Variants in RBFOX1 observed in about 807,000 individuals in gnomAD.
The protein encoded by RBFOX1 is RNA binding protein fox-1 homolog 1.
In RBFOX1, 8 loss-of-function variants were observed where a neutral mutation model predicts 57.7. The ratio of observed to expected loss-of-function variants is 0.14; its 90% confidence interval spans 0.08 to 0.25. The LOEUF is 0.25. Among genes scored for constraint, RBFOX1 ranks in the 10% least tolerant of loss-of-function variants. The pLI is 1.00. For missense variants in RBFOX1, 611 were observed against 548.5 expected (o/e 1.11, Z -1.14); for synonymous variants, 326 against 222.4 (o/e 1.47, Z -4.15).
intron 3 of RBFOX1, among the ~76,000 whole-genome samples, chr16:6,992,264 A>G (rs1178583705): frequency 6.6e-6 from 1 of 151,828 alleles, no homozygotes; most frequent in African/African-American, 2.4e-5. Flanking sequence ...CCCGGATTCA[A>G]GGGATTTTCC....
chr16:5,711,809 C>G (rs1444743026), intron 3 of RBFOX1, among the ~76,000 whole-genome samples: 1 of 152,184 alleles, frequency 6.6e-6, no homozygotes, highest in Non-Finnish European at 1.5e-5. Flanking sequence ...GGACCCAGCA[C>G]TTGACAGGCT....
chr16:6,772,638 G>T (rs560090969), intron 3 of RBFOX1, among the ~76,000 whole-genome samples: 3 of 144,600 alleles, frequency 2.1e-5, no homozygotes, highest in African/African-American at 8.2e-5. Flanking sequence ...AGTGTGGGGT[G>T]CATTTGTGTG....
chr16:7,218,478 A>C (rs1346148945), intron 4 of RBFOX1, among the ~76,000 whole-genome samples: 1 of 152,192 alleles, frequency 6.6e-6, no homozygotes, highest in African/African-American at 2.4e-5. Context: ...CAGAAGAGGC[A>C]TAGTTGAGAG....
At chr16:6,409,810 C>T (rs1200550401) in intron 2 of RBFOX1, among the ~76,000 whole-genome samples, 2 of 152,204 alleles carry the variant, frequency 1.3e-5, no homozygotes, top group Admixed American at 6.5e-5. Context: ...CCCCTAGCTG[C>T]TTCATACACT....
intron 1 of RBFOX1, among the ~76,000 whole-genome samples, chr16:6,177,875 T>C (rs1055466795): frequency 6.8e-5 from 10 of 146,638 alleles, no homozygotes; most frequent in Admixed American, 1.4e-4. Context: ...GCTACATCCA[T>C]CTAATTCAGG....
At chr16:7,691,499 G>A (rs891009527) in intron 14 of RBFOX1, among the ~76,000 whole-genome samples, 13 of 151,564 alleles carry the variant, frequency 8.6e-5, no homozygotes, top group African/African-American at 2.7e-4. Context: ...AAGGAGGAAG[G>A]AAAAAGGGTA....
At chr16:7,086,032 A>G (rs933891679) in intron 4 of RBFOX1, among the ~76,000 whole-genome samples, 1 of 152,158 alleles carries the variant, frequency 6.6e-6, no homozygotes, top group African/African-American at 2.4e-5. Flanking sequence ...CCTCTCTGAG[A>G]TAGCCAGCTC....
chr16:6,791,336 T>C (rs1434215302), intron 3 of RBFOX1, among the ~76,000 whole-genome samples: 2 of 152,244 alleles, frequency 1.3e-5, no homozygotes, highest in Non-Finnish European at 2.9e-5. Flanking sequence ...TGATTATTCA[T>C]TTTAAAATAC....
chr16:5,819,212 C>G (rs1041858630), intron 3 of RBFOX1, among the ~76,000 whole-genome samples: 1 of 152,182 alleles, frequency 6.6e-6, no homozygotes, highest in Non-Finnish European at 1.5e-5. Flanking sequence ...TAAGGGCCCA[C>G]TTCCTAGATG....
At chr16:5,838,762 A>G (rs1488457605) in intron 3 of RBFOX1, 1 of 152,224 alleles carries the variant, frequency 6.6e-6, no homozygotes, top group Non-Finnish European at 1.5e-5. Context: ...CAGCTCAGTC[A>G]CAAAGCAAGC....
At chr16:6,286,847 T>C (rs1482785248) in intron 1 of RBFOX1, among the ~76,000 whole-genome samples, 2 of 152,168 alleles carry the variant, frequency 1.3e-5, no homozygotes, top group East Asian at 1.9e-4. Context: ...CTATTCCTTC[T>C]CTATCTCCCT....
rs773141236 is a variant in RBFOX1, at chr16:5,657,735, TTC to T, written c.318+58776_318+58777del. Among the ~76,000 whole-genome samples the T allele has an allele frequency of 2.2e-4, 28 of 125,120 alleles. 9 individuals carry two copies. Among genetic ancestry groups the T allele is most frequent in the Middle Eastern group, 4.0e-3 (1 of 248 alleles). The allele number at this position is 125,120 out of a possible 152,430, so 82.1% of individuals were successfully genotyped here. On this transcript the variant is annotated intron_variant, in intron 3 of 19. Coordinates refer to the RBFOX1 transcript ENST00000641259. ...CTCTCTTTCTTTTGTTTCTTTTCTT[TTC>T]TTTTTTTTTTTTTGAGACAGAATCT...
At chr16:5,533,471 AT>A (rs1030791799) in intron 2 of RBFOX1, among the ~76,000 whole-genome samples, 4 of 151,988 alleles carry the variant, frequency 2.6e-5, no homozygotes, top group Non-Finnish European at 4.4e-5. Flanking sequence ...TTGAACACAC[AT>A]TTTTTTCTGA....
At chr16:5,860,158 C>G (rs914406895) in intron 3 of RBFOX1, among the ~76,000 whole-genome samples, 2 of 152,166 alleles carry the variant, frequency 1.3e-5, no homozygotes, top group African/African-American at 2.4e-5. Context: ...TCTCAACTCA[C>G]TGCAACCTCC....
intron 3 of RBFOX1, among the ~76,000 whole-genome samples, chr16:6,837,419 G>A (rs1214135465): frequency 6.6e-6 from 1 of 152,210 alleles, no homozygotes; most frequent in Non-Finnish European, 1.5e-5. Context: ...AGCTAGAGCT[G>A]ATCACCCAGC....
chr16:7,502,919 A>C (rs966232313), intron 4 of RBFOX1, among the ~76,000 whole-genome samples: 5 of 152,124 alleles, frequency 3.3e-5, no homozygotes, highest in Non-Finnish European at 5.9e-5. Flanking sequence ...GCTACTCGGG[A>C]GCCTGAGGCA....
chr16:6,769,952 A>T (rs541309364), intron 3 of RBFOX1, among the ~76,000 whole-genome samples: 2 of 152,156 alleles, frequency 1.3e-5, no homozygotes, highest in African/African-American at 4.8e-5. Context: ...GTTCCTATCT[A>T]TGTGCCTTAT....
chr16:6,665,726 A>G (rs1187907863), intron 3 of RBFOX1, among the ~76,000 whole-genome samples: 3 of 151,924 alleles, frequency 2.0e-5, no homozygotes, highest in Non-Finnish European at 4.4e-5. Context: ...AATAGCAACT[A>G]CCTTGCATTG....
At position 6,379,419 on chromosome 16, in the gene RBFOX1, C is replaced by T. The variant is rs563714949; in HGVS notation, c.-64+62362C>T. On this transcript the variant is annotated intron_variant, in intron 2 of 15. Coordinates refer to ENST00000550418, the MANE Select transcript of RBFOX1 (RefSeq NM_018723.4). ...ATTTCTAATGGCCCCCGCCCCCCTA[C>T]TTTCACTTTCACTTGTCTCAGTGAA... 1.5e-4 allele frequency among the ~76,000 whole-genome samples: 23 copies of T among 152,244 alleles called. 2 individuals carry two copies. Among genetic ancestry groups the T allele is most frequent in the East Asian group, 1.4e-3 (7 of 5,164 alleles).
Sources: gnomAD v4.1 joint callset for allele counts (sites outside exome capture counted in the v4.1 genomes callset) on GRCh38, gnomAD v4.1.1 for gene constraint, MANE v1.5 for transcripts, NCBI Gene and HGNC (gene_info 2026-07-23, HGNC 2026-07-21) for gene names.